UACA: variants seen among roughly 807,000 people sequenced by gnomAD.
The protein encoded by UACA is nuclear membrane binding protein.
UACA carries 112 observed loss-of-function variants against 160.5 expected under a neutral mutation model. That is an observed-to-expected ratio of 0.70 (90% CI 0.60 to 0.82). The LOEUF (loss-of-function observed/expected upper bound fraction) is 0.82, where lower values mean the gene tolerates loss of function less well. Ranked by LOEUF, UACA falls within the 40% of genes least tolerant of loss-of-function variation. The probability of loss-of-function intolerance (pLI) is 0.00; values close to 1 mark genes in which losing one functional copy is unlikely to be tolerated. For synonymous variants in UACA, 557 were observed against 568.4 expected, an observed-to-expected ratio of 0.98 and a Z score of 0.29; for missense variants, 1,574 against 1,614.6, an observed-to-expected ratio of 0.97 and a Z score of 0.43.
At chr15:70,771,304 A>T in the UACA span, among the ~76,000 whole-genome samples, 7 of 152,238 alleles carry the variant, frequency 4.6e-5, no homozygotes, top group Admixed American at 6.5e-5. Context: ...CTAATAGCCA[A>T]GGCAAAACAA....
At chr15:70,725,709 A>G (rs1450391170) in intron 1 of UACA, among the ~76,000 whole-genome samples, 1 of 152,192 alleles carries the variant, frequency 6.6e-6, no homozygotes, top group Non-Finnish European at 1.5e-5. Flanking sequence ...AAAAATAAAA[A>G]CCAAGAGTGG....
At chr15:70,743,367 T>C (rs1899597513) in intron 1 of UACA, among the ~76,000 whole-genome samples, 1 of 152,218 alleles carries the variant, frequency 6.6e-6, no homozygotes, top group Non-Finnish European at 1.5e-5. Context: ...CATAATATAA[T>C]CATGGGCATA....
intron 1 of UACA, among the ~76,000 whole-genome samples, chr15:70,714,207 T>A (rs1279596231): frequency 2.6e-5 from 4 of 152,314 alleles, no homozygotes; most frequent in African/African-American, 9.6e-5. Context: ...GTTCTACAGT[T>A]CACTGGATTG....
At chr15:70,743,539 T>A (rs1004285579) in intron 1 of UACA, among the ~76,000 whole-genome samples, 1 of 152,172 alleles carries the variant, frequency 6.6e-6, no homozygotes, top group Non-Finnish European at 1.5e-5. Flanking sequence ...TAAGGTCACT[T>A]CCAGTCCTAA....
intron 17 of UACA, 106 bp from the exon 18 acceptor site, chr15:70,660,322 G>A (rs896378595): frequency 6.6e-6 from 6 of 905,658 alleles, no homozygotes; most frequent in South Asian, 3.2e-5. Context: ...TTATTAAGGC[G>A]ATCCTGCTAC....
At chr15:70,693,827 G>A (rs966296704) in intron 3 of UACA, among the ~76,000 whole-genome samples, 1 of 152,130 alleles carries the variant, frequency 6.6e-6, no homozygotes, top group Non-Finnish European at 1.5e-5. Flanking sequence ...GGTAAGGTTA[G>A]TCCAAAATTT....
In UACA at chr15:70,687,604, G is replaced by A; in HGVS notation, c.538C>T (p.Pro180Ser). The A allele has an allele frequency of 6.2e-7, 1 of 1,613,836 alleles. No homozygotes were observed. Residue 180 changes from proline to serine, a missense_variant, in exon 7 of 19, where the codon CCA (proline) becomes TCA (serine). Transcript: ENST00000322954. Reference protein sequence around the residue: ...PLVLATQMSRPTICQLLIDRG... With the variant: ...PLVLATQMSRSTICQLLIDRG... ...TCTATCAGCAGTTGACATATTGTTG[G>A]CCTACTCATCTGAGTAGCCAGAACA...
At chr15:70,774,438 C>T in the UACA span, among the ~76,000 whole-genome samples, 4 of 150,908 alleles carry the variant, frequency 2.7e-5, no homozygotes, top group East Asian at 2.0e-4. Context: ...CCCAGCTACT[C>T]GGGAGGCTGA....
the UACA span, among the ~76,000 whole-genome samples, chr15:70,776,701 T>A: frequency 6.6e-6 from 1 of 152,194 alleles, no homozygotes. Context: ...AGTGCTGGGA[T>A]AACAGGCGCG....
chr15:70,775,037 TAAA>T, the UACA span, among the ~76,000 whole-genome samples: 8 of 151,684 alleles, frequency 5.3e-5, no homozygotes, highest in Non-Finnish European at 1.2e-4. Context: ...CCAGCCTGGG[TAAA>T]AGAGTGAGAC....
Position 70,684,302 on chromosome 15 carries a change from T to G in UACA, c.747A>C (p.Leu249=), listed in dbSNP as rs567529933. 6.3e-5 allele frequency: 101 copies of G among 1,613,478 alleles called. 1 individual carries two copies. The South Asian group carries it at 1.1e-3, about 17-fold the overall frequency. ...TTTCCGATGCAGTCTTCAACAAGGTTAGAATGTCCAGATTGTCACCAATTC... is the reference window on the plus strand; with the variant it reads ...TTTCCGATGCAGTCTTCAACAAGGTGAGAATGTCCAGATTGTCACCAATTC... ...YARIGDNLDI[L]TLLKTASENT... The change falls in exon 8 of 19, where the codon CTA becomes CTC. Residue 249 remains leucine, a synonymous_variant. Transcript: ENST00000322954.
intron 1 of UACA, chr15:70,701,972 T>A: frequency 6.2e-7 from 1 of 1,605,506 alleles, no homozygotes; most frequent in Non-Finnish European, 8.5e-7. Context: ...AAGTTACAAA[T>A]CTCTGTAAGC....
upstream of UACA, among the ~76,000 whole-genome samples, chr15:70,765,153 T>C (rs968214514): frequency 6.6e-6 from 1 of 152,216 alleles, no homozygotes; most frequent in Admixed American, 6.5e-5. Context: ...ACATGGGTCA[T>C]GGCTTTCAAC....
chr15:70,762,209 C>T (rs890617593), intron 1 of UACA, among the ~76,000 whole-genome samples: 5 of 149,678 alleles, frequency 3.3e-5, no homozygotes, highest in African/African-American at 1.2e-4. Context: ...TCCTTTATGT[C>T]CAAGTAAAAT....
chr15:70,713,178 AGTCTCT>A (rs1898733836), intron 1 of UACA, among the ~76,000 whole-genome samples: 1 of 152,064 alleles, frequency 6.6e-6, no homozygotes, highest in African/African-American at 2.4e-5. Flanking sequence ...TATTTTTAGT[AGTCTCT>A]ACTAAAAATA....
chr15:70,761,175 A>G (rs1413983729), intron 1 of UACA, among the ~76,000 whole-genome samples: 1 of 152,236 alleles, frequency 6.6e-6, no homozygotes, highest in African/African-American at 2.4e-5. Flanking sequence ...TAGCATTTCT[A>G]TAAAGGGTGA....
chr15:70,680,841 T>G (rs558142546), intron 9 of UACA, among the ~76,000 whole-genome samples: 2 of 152,218 alleles, frequency 1.3e-5, no homozygotes, highest in Admixed American at 1.3e-4. Flanking sequence ...GCACCACTGA[T>G]TGGGGTGCAC....
In UACA at chr15:70,762,122, G is replaced by A. The variant is rs559635846; in HGVS notation, c.78+1208C>T. Among the ~76,000 whole-genome samples, 3 of 152,020 alleles carry A rather than the reference G, an allele frequency of 2.0e-5. No individual in the cohort carries two copies. In the South Asian group the frequency reaches 6.2e-4, roughly 32 times the overall value. ...TAAAACGACTTCATGCTTTATCAAA[G>A]AACATCAATTACGTCATCTGAATCT... On this transcript the variant is annotated intron_variant, in intron 1 of 18. Coordinates refer to ENST00000322954, the MANE Select transcript of UACA (RefSeq NM_018003.4).
chr15:70,778,830 C>A, the UACA span: 37 of 152,220 alleles, frequency 2.4e-4, no homozygotes, highest in Admixed American at 2.4e-3. Flanking sequence ...ATTCCAAAGG[C>A]CTGACTTCCT....
Sources: allele counts gnomAD v4.1 joint callset (sites outside exome capture counted in the v4.1 genomes callset), GRCh38; gene constraint gnomAD v4.1.1; transcripts MANE v1.5; gene names NCBI Gene and HGNC (gene_info 2026-07-23, HGNC 2026-07-21).